Variants in MAP3K1 observed in about 807,000 individuals in gnomAD.
The protein encoded by MAP3K1 is mitogen-activated protein kinase kinase kinase 1, also known as MAP/ERK kinase kinase 1.
In MAP3K1, 36 loss-of-function variants were observed where a neutral mutation model predicts 144.2. That is an observed-to-expected ratio of 0.25 (90% CI 0.19 to 0.33). MAP3K1 has a LOEUF of 0.33. MAP3K1 is among the 10% of genes least tolerant of loss of function. The pLI is 1.00. For missense variants in MAP3K1, 1,650 were observed against 1,881.9 expected (o/e 0.88, Z 2.28); for synonymous variants, 718 against 688.7 (o/e 1.04, Z -0.67).
chr5:56,881,085 T>A lies in MAP3K1; in HGVS notation c.2182T>A (p.Ser728Thr). The part of the protein sequence containing the change: ...AVGREILKAG[S>T]IGIGGVDYVL... ...TATTTTTACTTTCCTTTTTGTAGGATCCATTGGTATTGGTGGTGTTGATTA... is the reference window on the plus strand; with the variant it reads ...TATTTTTACTTTCCTTTTTGTAGGAACCATTGGTATTGGTGGTGTTGATTA... The change falls in exon 13 of 20, where the codon TCC becomes ACC. Residue 728 changes from serine (S) to threonine (T), a missense_variant and splice_region_variant. Transcript: ENST00000399503. 2 of 1,608,754 alleles carry A rather than the reference T, an allele frequency of 1.2e-6. No homozygotes were observed. Among genetic ancestry groups the A allele is most frequent in the Non-Finnish European group, 1.7e-6 (2 of 1,175,564 alleles).
chr5:56,861,217 T>G (rs1440161589), intron 3 of MAP3K1, among the ~76,000 whole-genome samples: 4 of 152,190 alleles, frequency 2.6e-5, no homozygotes. Flanking sequence ...TGGTTTCAGA[T>G]TCCACATTAC....
Position 56,881,733 on chromosome 5 carries a change from A to T in MAP3K1, c.2533A>T (p.Ser845Cys). The T allele has an allele frequency of 1.2e-6, 2 of 1,614,166 alleles. 1 individual carries two copies. The highest frequency in any genetic ancestry group is 2.2e-5 in the South Asian group (2 of 91,088). ...SKLLEMLSVS[S>C]STHFTRMRRR... ...ACTGTTAGAAATGCTGAGTGTTTCC[A>T]GTTCCACTCACTTCACCAGGATGCG... Residue 845 changes from serine to cysteine, a missense_variant, in exon 14 of 20, where the codon AGT becomes TGT. By Grantham distance (112) the Ser-to-Cys change is moderately radical. This residue lies in a region of MAP3K1 where 841 missense variants were observed against 886.5 expected (regional missense o/e 0.95). Transcript: ENST00000399503.
rs1220902943 is a variant in MAP3K1, at chr5:56,879,113, T to C, written c.2087+12T>C. ...GCAGATGCCAATAGGTAAGGCTTTA[T>C]TGATGAATCACTTCAAACCCTCTTG... On this transcript the variant is annotated intron_variant, in intron 11 of 19. Coordinates refer to ENST00000399503, the MANE Select transcript of MAP3K1 (RefSeq NM_005921.2). The C allele has an allele frequency of 2.5e-6, 4 of 1,613,838 alleles. No homozygotes were observed. Among genetic ancestry groups the C allele is most frequent in the East Asian group, 2.2e-5 (1 of 44,872 alleles).
At chr5:56,877,582 ATG>A (rs1465376536) in intron 10 of MAP3K1, among the ~76,000 whole-genome samples, 12 of 148,490 alleles carry the variant, frequency 8.1e-5, no homozygotes, top group Admixed American at 1.3e-4. Flanking sequence ...ACACTTAAAT[ATG>A]TGTCTCTTAA....
chr5:56,842,337 T>G (rs931576118), intron 1 of MAP3K1: 1 of 152,254 alleles, frequency 6.6e-6, no homozygotes, highest in African/African-American at 2.4e-5. Flanking sequence ...AGAGCTGGTT[T>G]TGAAACTCAG....
Position 56,883,681 on chromosome 5 carries a change from T to TAG in MAP3K1, c.3819+3_3819+4insGA, listed in dbSNP as rs754392184. 3.1e-5 allele frequency: 50 copies of TAG among 1,613,858 alleles called. No homozygotes were observed. The highest frequency in any genetic ancestry group is 4.2e-5 in the Non-Finnish European group (49 of 1,179,832). On this transcript the variant is annotated splice_region_variant and intron_variant, in intron 15 of 19. Transcript: ENST00000399503. ...GGAACTTTAATGGCTGTTAAACAGGTAAATATCTAGTGAGCATATAAATGA... is the reference window on the plus strand; with the variant it reads ...GGAACTTTAATGGCTGTTAAACAGGTAGAAATATCTAGTGAGCATATAAATGA...
At chr5:56,843,062 G>A (rs1300254916) in intron 1 of MAP3K1, among the ~76,000 whole-genome samples, 1 of 152,146 alleles carries the variant, frequency 6.6e-6, no homozygotes, top group Non-Finnish European at 1.5e-5. Context: ...TGGTTTTGTT[G>A]TAGATGCAAC....
rs1353879087 is a variant in MAP3K1 at position 56,815,874 on chromosome 5, A to G, written c.301A>G (p.Ser101Gly). The G allele has an allele frequency of 1.4e-6, 2 of 1,384,176 alleles. No homozygotes were observed. The highest frequency in any genetic ancestry group is 1.5e-5 in the African/African-American group (1 of 66,930). The allele number at this position is 1,384,176 out of a possible 1,614,324, so 85.7% of individuals were successfully genotyped here. ...PSPEPADAAG[S>G]GTGFQPVAVP... ...GCCGGAGCCCGCGGACGCAGCGGGG[A>G]GTGGGACCGGCTTCCAGCCTGTGGC... Residue 101 changes from serine to glycine, a missense_variant, in exon 1 of 20, where the codon AGT becomes GGT. By Grantham distance (56) the Ser-to-Gly change is moderately conservative (BLOSUM62 0). Coordinates refer to ENST00000399503, the MANE Select transcript of MAP3K1 (RefSeq NM_005921.2).
At position 56,884,690 on chromosome 5, in the gene MAP3K1, T is replaced by A. The variant is rs375842337; in HGVS notation, c.3846T>A (p.Ser1282=). 1 of 1,613,734 alleles carries A rather than the reference T, an allele frequency of 6.2e-7. No individual in the cohort carries two copies. The highest frequency in any genetic ancestry group is 8.5e-7 in the Non-Finnish European group (1 of 1,179,900). The stretch of plus-strand genomic sequence containing the variant: ...TGACTTATGTCAGAAACACATCTTC[T>A]GAGCAAGAAGAAGTAGTAGAAGCAC... ...KQVTYVRNTS[S]EQEEVVEALR... is the part of the protein sequence containing the mutation. Residue 1282 remains serine, a synonymous_variant, in exon 16 of 20, where the codon TCT becomes TCA. Coordinates refer to ENST00000399503, the MANE Select transcript of MAP3K1 (RefSeq NM_005921.2).
At chr5:56,819,336 C>T (rs558763962) in intron 1 of MAP3K1, among the ~76,000 whole-genome samples, 2 of 152,220 alleles carry the variant, frequency 1.3e-5, no homozygotes, top group South Asian at 4.1e-4. Context: ...CATAGCACCT[C>T]GAGCATAATA....
At chr5:56,827,919 C>T (rs7729377) in intron 1 of MAP3K1, among the ~76,000 whole-genome samples, 4,919 of 151,874 alleles carry the variant, frequency 0.032, 252 homozygotes, top group African/African-American at 0.11. Context: ...TACTTGGACC[C>T]CAGGGAAGTC....
chr5:56,848,252 A>G (rs1215776520), intron 1 of MAP3K1, among the ~76,000 whole-genome samples: 1 of 152,164 alleles, frequency 6.6e-6, no homozygotes, highest in Non-Finnish European at 1.5e-5. Context: ...AAACTTTCGA[A>G]TATTCTTCCT....
intron 11 of MAP3K1, among the ~76,000 whole-genome samples, chr5:56,879,977 C>T (rs1288401065): frequency 6.6e-6 from 1 of 152,116 alleles, no homozygotes; most frequent in Non-Finnish European, 1.5e-5. Flanking sequence ...AGGTACCTAC[C>T]TTTAACGAAT....
intron 6 of MAP3K1, among the ~76,000 whole-genome samples, chr5:56,871,526 T>G (rs1747852236): frequency 6.6e-6 from 1 of 152,180 alleles, no homozygotes; most frequent in Admixed American, 6.5e-5. Context: ...CTTTGAGCTC[T>G]AAGGTCCGCC....
chr5:56,830,793 G>A (rs988348694), intron 1 of MAP3K1, among the ~76,000 whole-genome samples: 3 of 151,734 alleles, frequency 2.0e-5, no homozygotes, highest in African/African-American at 2.4e-5. Context: ...TGTATTTAGA[G>A]CACATGAGCT....
chr5:56,888,271 G>A lies in MAP3K1; in HGVS notation c.4303G>A (p.Val1435Ile), dbSNP rs2111964576. ...QYGRSCDVWS[V>I]GCAIIEMACA... ...TGGAAGGAGCTGTGATGTATGGAGT[G>A]TTGGCTGTGCTATTATAGAAATGGC... The change falls in exon 19 of 20, where the codon GTT (valine) becomes ATT (isoleucine). Residue 1435 changes from valine to isoleucine, a missense_variant. Val to Ile is a conservative substitution (Grantham distance 29). Around this residue, in one of 6 missense-constraint regions of MAP3K1, gnomAD observed 165 missense variants for 322.9 expected, o/e 0.51. Coordinates refer to ENST00000399503, the MANE Select transcript of MAP3K1 (RefSeq NM_005921.2). The A allele has an allele frequency of 1.2e-6, 2 of 1,613,646 alleles. No homozygotes were observed. The highest frequency in any genetic ancestry group is 1.7e-6 in the Non-Finnish European group (2 of 1,179,580).
At chr5:56,876,830 A>T (rs1170050392) in intron 10 of MAP3K1, among the ~76,000 whole-genome samples, 1 of 152,222 alleles carries the variant, frequency 6.6e-6, no homozygotes, top group East Asian at 1.9e-4. Context: ...AGTTATCATT[A>T]TTTCTTAAAC....
intron 1 of MAP3K1, among the ~76,000 whole-genome samples, chr5:56,834,349 C>G (rs1169459421): frequency 6.6e-6 from 1 of 152,140 alleles, no homozygotes; most frequent in Non-Finnish European, 1.5e-5. Flanking sequence ...TTATTGATTA[C>G]TTGTAGCTAA....
intron 1 of MAP3K1, among the ~76,000 whole-genome samples, chr5:56,818,056 T>C (rs1581201352): frequency 6.6e-6 from 1 of 152,200 alleles, no homozygotes; most frequent in African/African-American, 2.4e-5. Context: ...AAGAAATTAT[T>C]TTTACGAGTC....
Sources: allele counts gnomAD v4.1 joint callset (sites outside exome capture counted in the v4.1 genomes callset), GRCh38; gene constraint gnomAD v4.1.1; regional missense constraint gnomAD v4.1.1; transcripts MANE v1.5; gene names NCBI Gene and HGNC (gene_info 2026-07-23, HGNC 2026-07-21).